COQ2: variants seen among roughly 807,000 people sequenced by gnomAD.
The protein encoded by COQ2 is coenzyme Q2, polyprenyltransferase, also known as 4-hydroxybenzoate polyprenyltransferase, mitochondrial.
Under a neutral mutation model 35.7 loss-of-function variants are expected in COQ2, and 25 were observed. That is an observed-to-expected ratio of 0.70 (90% CI 0.51 to 0.98). COQ2 has a LOEUF of 0.98. COQ2 is among the 50% of genes least tolerant of loss of function. The pLI, the probability that COQ2 is intolerant of heterozygous loss-of-function variation, is 0.00. For missense variants in COQ2, 488 were observed against 473.5 expected, an observed-to-expected ratio of 1.03 and a Z score of -0.28; for synonymous variants, 206 against 186.2, an observed-to-expected ratio of 1.11 and a Z score of -0.86.
In COQ2 at chr4:83,284,504, G is replaced by T; in HGVS notation, c.253+8C>A. On this transcript the variant is annotated splice_region_variant and intron_variant, in intron 1 of 6. Transcript: ENST00000647002. Reference sequence around the variant, plus strand: ...AAATTCCCGGGCTGCCCGCCCGCCCGCACTCACCAATGGGCTTGTCCAACC... The same window carrying T: ...AAATTCCCGGGCTGCCCGCCCGCCCTCACTCACCAATGGGCTTGTCCAACC... The T allele has an allele frequency of 2.6e-6, 4 of 1,563,482 alleles. No individual in the cohort carries two copies. The highest frequency in any genetic ancestry group is 3.5e-6 in the Non-Finnish European group (4 of 1,156,444).
chr4:83,284,078 T>C (rs1735392044), intron 1 of COQ2: 1 of 985,336 alleles, frequency 1.0e-6, no homozygotes, highest in African/African-American at 1.7e-5. Flanking sequence ...ATTGTCTTTG[T>C]GGGCCTTACA....
intron 2 of COQ2, among the ~76,000 whole-genome samples, chr4:83,277,771 A>G (rs1396971719): frequency 6.6e-6 from 1 of 152,186 alleles, no homozygotes; most frequent in Non-Finnish European, 1.5e-5. Flanking sequence ...GGAGTTCGAG[A>G]CCAGCCTGAC....
chr4:83,275,167 T>C (rs943785637), intron 2 of COQ2, among the ~76,000 whole-genome samples: 3 of 152,262 alleles, frequency 2.0e-5, no homozygotes, highest in African/African-American at 7.2e-5. Context: ...CATCTGCTGA[T>C]TGTCTTTTTT....
chr4:83,283,430 A>AG, intron 1 of COQ2: 1 of 985,400 alleles, frequency 1.0e-6, no homozygotes, highest in Non-Finnish European at 1.2e-6. Context: ...TCGTATTCTT[A>AG]GTGTTCTAAC....
intron 6 of COQ2, among the ~76,000 whole-genome samples, chr4:83,266,468 C>T (rs950852070): frequency 3.9e-5 from 6 of 152,064 alleles, no homozygotes; most frequent in Middle Eastern, 3.4e-3. Context: ...AGCGATTCTC[C>T]CGCCTCAGCC....
At chr4:83,278,874 T>C in intron 2 of COQ2, 74 bp downstream of exon 2, 2 of 1,396,556 alleles carry the variant, frequency 1.4e-6, no homozygotes, top group South Asian at 1.7e-5. Context: ...TTATATGGCA[T>C]TCAAAAGTGA....
chr4:83,272,018 T>C (rs1735058619), intron 4 of COQ2, 69 bp downstream of exon 4: 1 of 987,858 alleles, frequency 1.0e-6, no homozygotes, highest in East Asian at 2.7e-5. Flanking sequence ...TTTACCTATT[T>C]ACCTATCTCT....
At chr4:83,283,923 T>C (rs971899479) in intron 1 of COQ2, 3 of 985,356 alleles carry the variant, frequency 3.0e-6, no homozygotes, top group Admixed American at 6.1e-5. Context: ...GTAAGCGCTG[T>C]CCCTGCTGCG....
At chr4:83,284,966 G>T (rs1208110249), upstream of COQ2, 2 of 1,194,828 alleles carry the variant, frequency 1.7e-6, no homozygotes, top group Non-Finnish European at 1.1e-6. Flanking sequence ...GATTTCTATT[G>T]GCAAAAGGCA....
chr4:83,271,378 A>C (rs1169753988), intron 4 of COQ2, among the ~76,000 whole-genome samples: 1 of 152,210 alleles, frequency 6.6e-6, no homozygotes, highest in Non-Finnish European at 1.5e-5. Context: ...GCTTCACAGA[A>C]TACGAGCTGT....
chr4:83,272,540 C>T (rs1169853448), intron 3 of COQ2, among the ~76,000 whole-genome samples: 1 of 152,080 alleles, frequency 6.6e-6, no homozygotes. Flanking sequence ...AAAACTGAAG[C>T]ACAAAGAAAT....
chr4:83,279,466 C>G (rs1392060076), intron 1 of COQ2, among the ~76,000 whole-genome samples: 3 of 152,146 alleles, frequency 2.0e-5, no homozygotes, highest in East Asian at 3.8e-4. Flanking sequence ...AACCCTACAT[C>G]TGACAACACA....
chr4:83,268,694 A>G (rs1157025882), intron 5 of COQ2, among the ~76,000 whole-genome samples: 1 of 152,202 alleles, frequency 6.6e-6, no homozygotes, highest in East Asian at 1.9e-4. Flanking sequence ...CTTACCGCAA[A>G]AAGTACAGGC....
At chr4:83,269,025 A>G (rs527546629) in intron 5 of COQ2, among the ~76,000 whole-genome samples, 23 of 152,298 alleles carry the variant, frequency 1.5e-4, no homozygotes, top group African/African-American at 4.8e-4. Flanking sequence ...TTATAAATGT[A>G]AAAGAAAAAA....
At chr4:83,279,296 G>C (rs1308284954) in intron 1 of COQ2, among the ~76,000 whole-genome samples, 182 bp from the exon 2 acceptor site, 1 of 152,052 alleles carries the variant, frequency 6.6e-6, no homozygotes, top group African/African-American at 2.4e-5. Flanking sequence ...AGAGTGCCTA[G>C]AAGAAAGAGA....
At chr4:83,268,366 C>T (rs1734971898) in intron 5 of COQ2, among the ~76,000 whole-genome samples, 2 of 152,166 alleles carry the variant, frequency 1.3e-5, no homozygotes, top group South Asian at 2.1e-4. Flanking sequence ...CCTGGTTTCT[C>T]CCAGCAAGTT....
chr4:83,281,256 AGAG>A (rs1241289865), intron 1 of COQ2, among the ~76,000 whole-genome samples: 1 of 152,246 alleles, frequency 6.6e-6, no homozygotes, highest in Non-Finnish European at 1.5e-5. Flanking sequence ...CTCCTAGGCT[AGAG>A]AAGAGAGAAT....
In COQ2 at chr4:83,284,771, G is replaced by A; in HGVS notation, c.-7C>T. 6.4e-7 allele frequency: 1 copy of A among 1,558,030 alleles called. No homozygotes were observed. The highest frequency in any genetic ancestry group is 8.6e-7 in the Non-Finnish European group (1 of 1,159,002). ...CGGCTCGCGAGCCCAGCATGGCGCT[G>A]GTGAGGCCGGGACGAGCTCGGATTG... On this transcript the variant is annotated 5_prime_UTR_variant, in exon 1 of 7. Coordinates refer to ENST00000647002, the MANE Select transcript of COQ2 (RefSeq NM_001358921.2).
rs375066516 is a variant in COQ2, at chr4:83,267,669, G to A, written c.868C>T (p.Leu290=). ...SGFSVAMLGA[L]SLVGVNSGQT... is the part of the protein sequence containing the mutation. ...CCACTGTTCACACCCACTAGGCTCA[G>A]TGCCCCCAGCATTGCAACACTGAAG... The change falls in exon 6 of 7, where the codon CTG becomes TTG. Residue 290 remains leucine, a synonymous_variant. Coordinates refer to ENST00000647002, the MANE Select transcript of COQ2 (RefSeq NM_001358921.2). The A allele has an allele frequency of 7.6e-5, 120 of 1,570,262 alleles. No homozygotes were observed. Among genetic ancestry groups the A allele is most frequent in the African/African-American group, 1.1e-4 (8 of 73,656 alleles).
Sources: allele counts gnomAD v4.1 joint callset (sites outside exome capture counted in the v4.1 genomes callset), GRCh38; gene constraint gnomAD v4.1.1; transcripts MANE v1.5; gene names NCBI Gene and HGNC (gene_info 2026-07-23, HGNC 2026-07-21).